Variants in EMC3 observed in about 807,000 individuals in gnomAD.
The protein encoded by EMC3 is ER membrane protein complex subunit 3.
A neutral mutation model predicts 36.6 loss-of-function variants in EMC3; 13 were observed. The ratio of observed to expected loss-of-function variants is 0.35; its 90% CI spans 0.23 to 0.56. The LOEUF is 0.56. Ranked by LOEUF, EMC3 falls within the 20% of genes least tolerant of loss-of-function variation. EMC3 has a pLI of 0.84. For synonymous variants in EMC3, 120 were observed against 111.9 expected (o/e 1.07, Z -0.46); for missense variants, 220 against 324.5 (o/e 0.68, Z 2.47).
rs536210452 is a variant in EMC3, at chr3:9,975,629, A to G, written c.308-1141T>C. The stretch of plus-strand genomic sequence containing the variant: ...AGATGGAGACCATCCTGGCTAACAC[A>G]ATGAAACCCCGTCTCTATTAAAAAT... On this transcript the variant is annotated intron_variant, in intron 3 of 7. Transcript: ENST00000245046. Among the ~76,000 whole-genome samples, 26 of 152,064 alleles carry G rather than the reference A, an allele frequency of 1.7e-4. No individual in the cohort carries two copies. The East Asian group carries it at 3.1e-3, about 18-fold the overall frequency.
At chr3:10,003,132 T>C (rs1379740850) in intron 1 of EMC3, 1 of 455,990 alleles carries the variant, frequency 2.2e-6, no homozygotes, top group Admixed American at 2.4e-5. Flanking sequence ...GCTCACCACC[T>C]CCCCAGCAAC....
At position 9,986,532 on chromosome 3, in the gene EMC3, G is replaced by C. The variant is rs762956269; in HGVS notation, c.130C>G (p.Leu44Val). Residue 44 changes from leucine to valine, a missense_variant, in exon 1 of 8, where the codon CTC (leucine) becomes GTC (valine). Transcript: ENST00000245046. ...CTGTCAGATACTTGTTCCTGGGTGA[G>C]CTTCTTGTCGCTCTGCAGCAGGATG... Reference protein sequence around the residue: ...VSILLQSDKKLTQEQVSDSQV... With the variant: ...VSILLQSDKKVTQEQVSDSQV... 3 of 1,614,180 alleles carry C rather than the reference G, an allele frequency of 1.9e-6. No individual in the cohort carries two copies. The highest frequency in any genetic ancestry group is 1.1e-5 in the South Asian group (1 of 91,086).
upstream of EMC3, chr3:9,987,849 C>A: frequency 1.5e-6 from 1 of 679,734 alleles, no homozygotes; most frequent in Non-Finnish European, 2.7e-6. Flanking sequence ...AGAGACTGGA[C>A]TGTACCTACC....
intron 1 of EMC3, chr3:10,000,978 C>T (rs1282693408): frequency 1.4e-5 from 4 of 279,654 alleles, no homozygotes; most frequent in East Asian, 9.5e-5. Flanking sequence ...CCTGGGGCCA[C>T]GAAGGTTGCC....
chr3:9,985,237 AAAGT>A lies in EMC3; in HGVS notation c.155+1266_155+1269del, dbSNP rs1387289747. Among the ~76,000 whole-genome samples the A allele has an allele frequency of 3.3e-5, 5 of 152,374 alleles. No individual in the cohort carries two copies. In the South Asian group the frequency reaches 1.0e-3, roughly 32 times the overall value. On this transcript the variant is annotated intron_variant, in intron 1 of 7. Coordinates refer to ENST00000245046, the MANE Select transcript of EMC3 (RefSeq NM_001394674.1). ...GAAATCCAGTATTGTCACAAAAAAG[AAAGT>A]AACTTAAGTACAGTAGAAACAAAAC...
chr3:9,979,104 C>T (rs963738082), intron 1 of EMC3, among the ~76,000 whole-genome samples: 4 of 152,192 alleles, frequency 2.6e-5, no homozygotes, highest in Non-Finnish European at 4.4e-5. Context: ...GCTTCCTCCT[C>T]CTGAGCTCAT....
rs369128418 is a variant in EMC3 at position 9,977,347 on chromosome 3, A to G, written c.213+42T>C. 79 of 1,572,030 alleles carry G rather than the reference A, an allele frequency of 5.0e-5. No homozygotes were observed. The African/African-American group carries it at 9.8e-4, about 19-fold the overall frequency. Reference sequence around the variant, plus strand: ...AAAACATTCAGATATCTACTGCCCAACAGTGAATCGTGGAGCTTTTTAATA... The same window carrying G: ...AAAACATTCAGATATCTACTGCCCAGCAGTGAATCGTGGAGCTTTTTAATA... On this transcript the variant is annotated intron_variant, in intron 2 of 7. Transcript: ENST00000245046.
intron 1 of EMC3, among the ~76,000 whole-genome samples, chr3:10,002,271 TTTC>T (rs1402491013): frequency 6.7e-6 from 1 of 149,998 alleles, no homozygotes; most frequent in Non-Finnish European, 1.5e-5. Context: ...TTTTCAGCAG[TTTC>T]TTTTTTTATT....
chr3:9,997,739 C>T (rs765580514), intron 1 of EMC3, among the ~76,000 whole-genome samples: 3 of 152,136 alleles, frequency 2.0e-5, no homozygotes, highest in Non-Finnish European at 4.4e-5. Context: ...GGACTACAGG[C>T]GTGAGCCACT....
chr3:9,973,942 C>T (rs941627194), intron 4 of EMC3, among the ~76,000 whole-genome samples: 3 of 152,148 alleles, frequency 2.0e-5, no homozygotes, highest in African/African-American at 7.2e-5. Context: ...TCAAACTGAG[C>T]TGTGACCTGA....
At position 9,976,979 on chromosome 3, in the gene EMC3, T is replaced by G; in HGVS notation, c.285A>C (p.Val95=). 1 of 1,612,472 alleles carries G rather than the reference T, an allele frequency of 6.2e-7. No homozygotes were observed. The highest frequency in any genetic ancestry group is 8.5e-7 in the Non-Finnish European group (1 of 1,179,356). ...DGFFKKTKRK[V]VPPSPMTDPT... is the part of the protein sequence containing the mutation. ...TACCAGTCATAGGAGAAGGTGGCAC[T>G]ACCTTCCGTTTAGTTTTTTTGAAAA... The change falls in exon 3 of 8, where the codon GTA becomes GTC. Residue 95 remains valine, a synonymous_variant. Transcript: ENST00000245046.
chr3:9,984,582 G>A (rs1253764032), intron 1 of EMC3, among the ~76,000 whole-genome samples: 1 of 151,816 alleles, frequency 6.6e-6, no homozygotes, highest in Non-Finnish European at 1.5e-5. Context: ...TAGTAGAGAC[G>A]GGGTTTCACC....
chr3:9,965,230 G>A (rs1408617366), intron 7 of EMC3, among the ~76,000 whole-genome samples: 1 of 151,914 alleles, frequency 6.6e-6, no homozygotes, highest in African/African-American at 2.4e-5. Context: ...AACACAGCGA[G>A]ATCCCATCTC....
chr3:9,969,939 G>T, intron 6 of EMC3, 138 bp from the exon 7 acceptor site: 3 of 1,394,784 alleles, frequency 2.2e-6, no homozygotes, highest in South Asian at 3.0e-5. Flanking sequence ...CTGGCTATGT[G>T]ACTCTAGGAA....
At chr3:9,999,042 G>A (rs2086165960) in intron 1 of EMC3, among the ~76,000 whole-genome samples, 1 of 152,194 alleles carries the variant, frequency 6.6e-6, no homozygotes, top group African/African-American at 2.4e-5. Flanking sequence ...ACAGGCACGA[G>A]CCACTGTGCT....
At chr3:9,980,014 A>AT (rs775249109) in intron 1 of EMC3, among the ~76,000 whole-genome samples, 24,374 of 138,070 alleles carry the variant, frequency 0.18, 2,262 homozygotes, top group South Asian at 0.24. Flanking sequence ...GTCTCACTGT[A>AT]TTTTTTTTTT....
chr3:10,008,439 T>C, intron 1 of EMC3: 1 of 1,367,716 alleles, frequency 7.3e-7, no homozygotes, highest in African/African-American at 1.5e-5. Context: ...CCTTGGCTTG[T>C]TCATCTCCCT....
chr3:9,980,054 C>T (rs144715652), intron 1 of EMC3, among the ~76,000 whole-genome samples: 9 of 147,724 alleles, frequency 6.1e-5, no homozygotes, highest in African/African-American at 2.3e-4. Flanking sequence ...CACTCTGTCT[C>T]CCAGGCTGAA....
At chr3:9,989,399 A>AAAAAAAATT, upstream of EMC3, among the ~76,000 whole-genome samples, 1 of 149,940 alleles carries the variant, frequency 6.7e-6, no homozygotes, top group African/African-American at 2.5e-5. Flanking sequence ...AAAAATACAA[A>AAAAAAAATT]AAAAAAATTA....
Sources: allele counts gnomAD v4.1 joint callset (sites outside exome capture counted in the v4.1 genomes callset), GRCh38; gene constraint gnomAD v4.1.1; transcripts MANE v1.5; gene names NCBI Gene and HGNC (gene_info 2026-07-23, HGNC 2026-07-21).